Variants in KYNU observed in about 807,000 individuals in gnomAD.
The protein encoded by KYNU is L-kynurenine hydrolase.
KYNU carries 54 observed loss-of-function variants against 59.2 expected under a neutral mutation model. That is an observed-to-expected ratio of 0.91 (90% CI 0.73 to 1.14). The LOEUF is 1.14. Among genes scored for constraint, KYNU ranks in the 50% most tolerant of loss-of-function variants. The probability of loss-of-function intolerance (pLI) is 0.00; values close to 1 mark genes in which losing one functional copy is unlikely to be tolerated. For missense variants in KYNU, 567 were observed against 554.4 expected (o/e 1.02, Z -0.23); for synonymous variants, 177 against 192.0 (o/e 0.92, Z 0.65).
intron 10 of KYNU, chr2:142,989,316 G>T (rs1685321060): frequency 2.1e-5 from 20 of 954,778 alleles, no homozygotes; most frequent in Non-Finnish European, 2.4e-5. Context: ...TAAGCCTTCT[G>T]TCATCTTACT....
chr2:142,923,050 T>G, intron 3 of KYNU, among the ~76,000 whole-genome samples: 1 of 152,324 alleles, frequency 6.6e-6, no homozygotes, highest in East Asian at 1.9e-4. Context: ...ACAAGGGTAC[T>G]AATCCCATTC....
At chr2:143,020,760 A>G (rs1396847709) in intron 10 of KYNU, among the ~76,000 whole-genome samples, 1 of 152,226 alleles carries the variant, frequency 6.6e-6, no homozygotes, top group Non-Finnish European at 1.5e-5. Flanking sequence ...ATAATTATAC[A>G]TAATTTACTT....
intron 10 of KYNU, among the ~76,000 whole-genome samples, chr2:142,987,081 T>C (rs552036073): frequency 6.6e-6 from 1 of 152,030 alleles, no homozygotes; most frequent in East Asian, 1.9e-4. Context: ...TGAATATCAT[T>C]ATCAGTACAT....
intron 4 of KYNU, among the ~76,000 whole-genome samples, chr2:142,937,353 T>C (rs182234102): frequency 1.3e-5 from 2 of 152,146 alleles, no homozygotes; most frequent in Admixed American, 6.5e-5. Flanking sequence ...TAGCTACCAG[T>C]CCCCACACAG....
Position 142,894,083 on chromosome 2 carries a change from G to C in KYNU, c.169+8547G>C, listed in dbSNP as rs1338631319. Among the ~76,000 whole-genome samples the C allele has an allele frequency of 3.9e-5, 6 of 152,078 alleles. No homozygotes were observed. In the East Asian group the frequency reaches 1.2e-3, roughly 29 times the overall value. On this transcript the variant is annotated intron_variant, in intron 2 of 13. Coordinates refer to ENST00000264170, the MANE Select transcript of KYNU (RefSeq NM_003937.3). The stretch of plus-strand genomic sequence containing the variant: ...TCCTCAAGGAATTTTATCCACAAAG[G>C]CGTGGAAAATCTCTTTTGAAATCCT...
chr2:142,983,114 G>A (rs1685095907), intron 8 of KYNU, among the ~76,000 whole-genome samples: 1 of 148,762 alleles, frequency 6.7e-6, no homozygotes, highest in Non-Finnish European at 1.5e-5. Context: ...GGCTGGAGGG[G>A]TTCTGCAAGT....
At chr2:142,978,799 A>G (rs1684969047) in intron 8 of KYNU, among the ~76,000 whole-genome samples, 1 of 152,200 alleles carries the variant, frequency 6.6e-6, no homozygotes, top group African/African-American at 2.4e-5. Context: ...CTTATCTTGT[A>G]TAAGTACTAT....
Position 142,918,716 on chromosome 2 carries a change from A to G in KYNU, c.277A>G (p.Lys93Glu). Reference sequence around the variant, plus strand: ...AACATATCTTGAAGAAGAACTAGATAAGTGGGCCAAAATGTAAGTATTATT... The same window carrying G: ...AACATATCTTGAAGAAGAACTAGATGAGTGGGCCAAAATGTAAGTATTATT... ...VKTYLEEELD[K>E]WAKIAAYGHE... is the part of the protein sequence containing the mutation. The change falls in exon 3 of 14, where the codon AAG becomes GAG. Residue 93 changes from lysine to glutamate, a missense_variant. By Grantham distance (56) the Lys-to-Glu change is moderately conservative (BLOSUM62 1). Coordinates refer to ENST00000264170, the MANE Select transcript of KYNU (RefSeq NM_003937.3). 8 of 1,611,664 alleles carry G rather than the reference A, an allele frequency of 5.0e-6. No homozygotes were observed. The highest frequency in any genetic ancestry group is 6.8e-6 in the Non-Finnish European group (8 of 1,178,474).
rs964361777 is a variant in KYNU at position 143,050,406 on chromosome 2, T to C, written c.*8234T>C. ...TGAGAACACGCGATGTTTGGTTTTC[T>C]GTTCCTGTGTTAATTTGCTGAGGAT... On this transcript the variant is annotated 3_prime_UTR_variant, in exon 14 of 14. Coordinates refer to ENST00000264170, the MANE Select transcript of KYNU (RefSeq NM_003937.3). The C allele has an allele frequency of 4.6e-5, 7 of 152,180 alleles. No individual in the cohort carries two copies. Among genetic ancestry groups the C allele is most frequent in the Admixed American group, 1.3e-4 (2 of 15,258 alleles). 9.4% of individuals were successfully genotyped at this position (152,180 alleles called of 1,614,324 possible). A position where few individuals can be genotyped will look rare whatever the true frequency, so the allele number is the denominator to read the frequency against.
At chr2:142,913,005 C>T (rs1682548175) in intron 2 of KYNU, among the ~76,000 whole-genome samples, 1 of 152,152 alleles carries the variant, frequency 6.6e-6, no homozygotes, top group African/African-American at 2.4e-5. Context: ...GCCACCGCTC[C>T]CGGCTGGATC....
intron 10 of KYNU, among the ~76,000 whole-genome samples, chr2:143,016,679 CT>C (rs1366585312): frequency 1.3e-5 from 2 of 152,058 alleles, no homozygotes; most frequent in Admixed American, 6.5e-5. Context: ...AAAATTAGAA[CT>C]TTTTATAATT....
chr2:142,960,028 G>A (rs1248904491), intron 7 of KYNU, among the ~76,000 whole-genome samples: 13 of 151,940 alleles, frequency 8.6e-5, no homozygotes, highest in Admixed American at 7.2e-4. Flanking sequence ...CTGGGATTAC[G>A]GGCATGCACC....
chr2:142,885,020 C>T (rs1321896076), intron 1 of KYNU, among the ~76,000 whole-genome samples: 1 of 135,268 alleles, frequency 7.4e-6, no homozygotes, highest in African/African-American at 2.7e-5. Context: ...GGGCGGATCA[C>T]TTGAGCCATT....
chr2:142,924,080 C>T (rs562534213), intron 3 of KYNU, among the ~76,000 whole-genome samples: 1 of 152,142 alleles, frequency 6.6e-6, no homozygotes, highest in East Asian at 1.9e-4. Context: ...AGATTTTTCA[C>T]AACATCTTTG....
chr2:142,974,080 T>C (rs957184828), intron 8 of KYNU, among the ~76,000 whole-genome samples: 1 of 152,228 alleles, frequency 6.6e-6, no homozygotes, highest in Non-Finnish European at 1.5e-5. Context: ...AGAGCATTCA[T>C]TCCCATAGTC....
intron 2 of KYNU, among the ~76,000 whole-genome samples, chr2:142,908,417 T>A (rs1036133347): frequency 5.3e-5 from 8 of 151,956 alleles, no homozygotes; most frequent in Admixed American, 2.6e-4. Flanking sequence ...GTTTTTTTTT[T>A]ATTATTTGTT....
At chr2:142,878,656 G>A (rs984792969) in intron 1 of KYNU, among the ~76,000 whole-genome samples, 3 of 152,144 alleles carry the variant, frequency 2.0e-5, no homozygotes, top group African/African-American at 7.2e-5. Context: ...GTGACTAGGA[G>A]ATTCTGAATT....
At chr2:142,913,503 C>T (rs1682572619) in intron 2 of KYNU, among the ~76,000 whole-genome samples, 1 of 152,092 alleles carries the variant, frequency 6.6e-6, no homozygotes, top group African/African-American at 2.4e-5. Flanking sequence ...TAGTGTACTT[C>T]TGAGAGATCT....
At chr2:143,041,173 A>G (rs1687033234) in intron 13 of KYNU, among the ~76,000 whole-genome samples, 2 of 152,052 alleles carry the variant, frequency 1.3e-5, no homozygotes, top group Admixed American at 1.3e-4. Flanking sequence ...TTAACCCTTC[A>G]GCCTATATGA....
Sources: gnomAD v4.1 joint callset for allele counts (sites outside exome capture counted in the v4.1 genomes callset) on GRCh38, gnomAD v4.1.1 for gene constraint, MANE v1.5 for transcripts, NCBI Gene and HGNC (gene_info 2026-07-23, HGNC 2026-07-21) for gene names.